The following ASTN1 variants were observed in gnomAD, a reference collection of about 807,000 sequenced individuals.
ASTN1 encodes the protein astrotactin-1.
A neutral mutation model predicts 140.7 loss-of-function variants in ASTN1; 41 were observed. The ratio of observed to expected loss-of-function variants is 0.29; its 90% CI spans 0.23 to 0.38. ASTN1 has a LOEUF of 0.38. Among genes scored for constraint, ASTN1 ranks in the 10% least tolerant of loss-of-function variants. The pLI is 1.00. For missense variants in ASTN1, 1,479 were observed against 1,678.8 expected, an observed-to-expected ratio of 0.88 and a Z score of 2.08; for synonymous variants, 640 against 652.2, an observed-to-expected ratio of 0.98 and a Z score of 0.29.
chr1:177,027,768 GTA>G (rs926291920), intron 5 of ASTN1, among the ~76,000 whole-genome samples: 1 of 144,112 alleles, frequency 6.9e-6, no homozygotes, highest in Admixed American at 7.1e-5. Flanking sequence ...GTGTGTATGT[GTA>G]TATATACATA....
At chr1:177,137,709 A>G (rs1409457711) in intron 1 of ASTN1, among the ~76,000 whole-genome samples, 1 of 152,150 alleles carries the variant, frequency 6.6e-6, no homozygotes, top group African/African-American at 2.4e-5. Flanking sequence ...AGGCCTGGAA[A>G]ATACTGAGGG....
At chr1:177,008,706 A>G (rs1193943449) in intron 8 of ASTN1, among the ~76,000 whole-genome samples, 2 of 152,114 alleles carry the variant, frequency 1.3e-5, no homozygotes, top group Non-Finnish European at 1.5e-5. Flanking sequence ...CTTATTAGCA[A>G]TAAGTGATAA....
chr1:176,968,511 G>A, intron 8 of ASTN1, among the ~76,000 whole-genome samples: 1 of 152,122 alleles, frequency 6.6e-6, no homozygotes, highest in African/African-American at 2.4e-5. Context: ...TCACTTCACT[G>A]GGCAACTCAC....
chr1:177,030,768 G>A, intron 4 of ASTN1, 38 bp downstream of exon 4: 1 of 1,612,532 alleles, frequency 6.2e-7, no homozygotes, highest in Non-Finnish European at 8.5e-7. Flanking sequence ...CCAATATGAA[G>A]GAATCCACCC....
intron 5 of ASTN1, among the ~76,000 whole-genome samples, chr1:177,025,983 T>G (rs931410822): frequency 6.6e-6 from 1 of 152,140 alleles, no homozygotes; most frequent in Non-Finnish European, 1.5e-5. Context: ...CAGATAAAAA[T>G]GCAGATCCAG....
At chr1:176,887,576 T>C (rs2103031253) in intron 18 of ASTN1, among the ~76,000 whole-genome samples, 1 of 152,316 alleles carries the variant, frequency 6.6e-6, no homozygotes, top group East Asian at 1.9e-4. Flanking sequence ...AATCATTCAA[T>C]CCATTTGAAT....
At chr1:177,034,693 AT>A (rs201351796) in intron 2 of ASTN1, among the ~76,000 whole-genome samples, 9 of 151,276 alleles carry the variant, frequency 5.9e-5, no homozygotes, top group South Asian at 4.2e-4. Flanking sequence ...CCAACCTGAC[AT>A]TTTTTTTTAG....
intron 2 of ASTN1, among the ~76,000 whole-genome samples, chr1:177,053,323 T>A (rs1245989994): frequency 1.3e-5 from 2 of 152,196 alleles, no homozygotes; most frequent in African/African-American, 2.4e-5. Context: ...CTCTTAGCTA[T>A]TTTTCTTGCT....
intron 16 of ASTN1, among the ~76,000 whole-genome samples, chr1:176,901,398 GC>G (rs35493221): frequency 0.047 from 7,081 of 152,268 alleles, 178 homozygotes; most frequent in African/African-American, 0.074. Flanking sequence ...GAAACTTGTA[GC>G]CAATAATGTC....
At chr1:177,081,414 G>A (rs1290339820) in intron 1 of ASTN1, among the ~76,000 whole-genome samples, 1 of 152,156 alleles carries the variant, frequency 6.6e-6, no homozygotes, top group African/African-American at 2.4e-5. Context: ...TAAAGGGTCA[G>A]TTGCCAAGAA....
chr1:177,121,054 G>A (rs530756051), intron 1 of ASTN1, among the ~76,000 whole-genome samples: 4 of 151,484 alleles, frequency 2.6e-5, no homozygotes, highest in African/African-American at 9.8e-5. Flanking sequence ...TTTGCATTTT[G>A]TCTGTTGTTG....
At chr1:176,962,569 A>T (rs1053491923) in intron 9 of ASTN1, among the ~76,000 whole-genome samples, 2 of 149,914 alleles carry the variant, frequency 1.3e-5, no homozygotes, top group African/African-American at 5.1e-5. Context: ...AATATTAAAC[A>T]AAATAATTGA....
intron 11 of ASTN1, among the ~76,000 whole-genome samples, chr1:176,954,499 T>C (rs1420737666): frequency 1.3e-5 from 2 of 152,198 alleles, no homozygotes; most frequent in African/African-American, 2.4e-5. Flanking sequence ...GTGGGAACCA[T>C]GTTGAATTCT....
intron 8 of ASTN1, among the ~76,000 whole-genome samples, chr1:176,988,870 C>T (rs890927816): frequency 6.6e-6 from 1 of 152,176 alleles, no homozygotes; most frequent in African/African-American, 2.4e-5. Context: ...AATGTTTCTA[C>T]ATATATACAC....
chr1:177,119,198 T>A (rs1681254280), intron 1 of ASTN1, among the ~76,000 whole-genome samples: 1 of 152,174 alleles, frequency 6.6e-6, no homozygotes, highest in African/African-American at 2.4e-5. Flanking sequence ...TCACAGACAG[T>A]GCCCTCATCA....
intron 1 of ASTN1, among the ~76,000 whole-genome samples, chr1:177,129,055 C>T (rs950053258): frequency 2.6e-5 from 4 of 152,118 alleles, no homozygotes; most frequent in Admixed American, 2.0e-4. Flanking sequence ...TATTCTAAAC[C>T]AGACCAATAG....
chr1:177,135,161 T>C (rs895518901), intron 1 of ASTN1, among the ~76,000 whole-genome samples: 2 of 152,094 alleles, frequency 1.3e-5, no homozygotes, highest in Non-Finnish European at 2.9e-5. Context: ...GCAAGAAATG[T>C]CAATTCCCAT....
At chr1:177,062,040 T>TA in intron 1 of ASTN1, among the ~76,000 whole-genome samples, 1 of 152,056 alleles carries the variant, frequency 6.6e-6, no homozygotes, top group Non-Finnish European at 1.5e-5. Context: ...CCCCTAGCAC[T>TA]GTAGTTGGTG....
intron 8 of ASTN1, among the ~76,000 whole-genome samples, chr1:176,974,606 C>T (rs949696767): frequency 2.0e-5 from 3 of 152,092 alleles, no homozygotes; most frequent in East Asian, 1.9e-4. Flanking sequence ...AGGTTGGTCT[C>T]GAACTCCTGA....
Sources: gnomAD v4.1 joint callset for allele counts (sites outside exome capture counted in the v4.1 genomes callset) on GRCh38, gnomAD v4.1.1 for gene constraint, MANE v1.5 for transcripts, NCBI Gene and HGNC (gene_info 2026-07-23, HGNC 2026-07-21) for gene names.